Variants in OTUD7A observed in about 807,000 individuals in gnomAD.
OTUD7A encodes the protein OTU deubiquitinase 7A.
Under a neutral mutation model 65.7 loss-of-function variants are expected in OTUD7A, and 12 were observed. That is an observed-to-expected ratio of 0.18 (90% CI 0.12 to 0.30). The LOEUF is 0.30. OTUD7A is among the 10% of genes least tolerant of loss of function. The probability of loss-of-function intolerance (pLI) is 1.00; values close to 1 mark genes in which losing one functional copy is unlikely to be tolerated. For missense variants in OTUD7A, 1,148 were observed against 1,304.8 expected, an observed-to-expected ratio of 0.88 and a Z score of 1.85; for synonymous variants, 641 against 586.3, an observed-to-expected ratio of 1.09 and a Z score of -1.35.
At chr15:31,736,150 CA>C (rs1409345055) in intron 1 of OTUD7A, among the ~76,000 whole-genome samples, 1 of 152,122 alleles carries the variant, frequency 6.6e-6, no homozygotes, top group Non-Finnish European at 1.5e-5. Context: ...ATCTGTACAA[CA>C]AACCCCCACA....
chr15:31,864,195 C>G lies in OTUD7A; in HGVS notation c.-100+6312G>C, dbSNP rs1897817752. Among the ~76,000 whole-genome samples the G allele has an allele frequency of 2.0e-5, 3 of 152,210 alleles. No homozygotes were observed. The South Asian group carries it at 6.2e-4, about 32-fold the overall frequency. On this transcript the variant is annotated intron_variant, in intron 1 of 12. Transcript: ENST00000307050. ...CAACAAGTCTCTAGGAGATTCCAAACTTTCCCACATTTTCCTGTCTTATTC... is the reference window on the plus strand; with the variant it reads ...CAACAAGTCTCTAGGAGATTCCAAAGTTTCCCACATTTTCCTGTCTTATTC...
At chr15:31,503,505 G>A (rs1186349101) in intron 9 of OTUD7A, among the ~76,000 whole-genome samples, 186 bp downstream of exon 9, 1 of 152,128 alleles carries the variant, frequency 6.6e-6, no homozygotes, top group African/African-American at 2.4e-5. Context: ...TGATAGGCAG[G>A]GCAGCTAGTC....
intron 10 of OTUD7A, among the ~76,000 whole-genome samples, chr15:31,499,403 T>C (rs2041431406): frequency 6.6e-6 from 1 of 152,182 alleles, no homozygotes; most frequent in African/African-American, 2.4e-5. Context: ...TCCCATCTCC[T>C]GCCTCCCACC....
chr15:31,786,390 T>C (rs986776320), intron 1 of OTUD7A, among the ~76,000 whole-genome samples: 2 of 152,248 alleles, frequency 1.3e-5, no homozygotes, highest in Non-Finnish European at 2.9e-5. Context: ...AATTTGCCTA[T>C]GCACTTAAGG....
chr15:31,863,755 G>A (rs2141019802), intron 1 of OTUD7A, among the ~76,000 whole-genome samples: 1 of 152,268 alleles, frequency 6.6e-6, no homozygotes, highest in South Asian at 2.1e-4. Flanking sequence ...TTTTCCCCAT[G>A]GTCTTAGTGT....
At chr15:31,597,643 C>G (rs1004896672) in intron 3 of OTUD7A, among the ~76,000 whole-genome samples, 2 of 152,296 alleles carry the variant, frequency 1.3e-5, no homozygotes, top group Admixed American at 1.3e-4. Context: ...AGCTGGAAGT[C>G]AGGGCCTGCA....
chr15:31,506,646 G>T (rs922025095), intron 8 of OTUD7A, among the ~76,000 whole-genome samples: 2 of 152,100 alleles, frequency 1.3e-5, no homozygotes, highest in Non-Finnish European at 2.9e-5. Context: ...CCATATATTT[G>T]CTTGGGGATG....
chr15:31,566,312 A>C (rs975468918), intron 4 of OTUD7A, among the ~76,000 whole-genome samples: 17 of 152,238 alleles, frequency 1.1e-4, no homozygotes, highest in Admixed American at 3.3e-4. Flanking sequence ...GTGTATGGGA[A>C]AATATTCTGA....
intron 1 of OTUD7A, chr15:31,766,960 C>A: frequency 6.2e-7 from 1 of 1,611,882 alleles, no homozygotes; most frequent in Non-Finnish European, 8.5e-7. Context: ...ATCACGCATA[C>A]TACTTAACCC....
intron 3 of OTUD7A, among the ~76,000 whole-genome samples, chr15:31,573,954 T>C (rs970315093): frequency 6.6e-6 from 1 of 152,106 alleles, no homozygotes; most frequent in African/African-American, 2.4e-5. Context: ...CAAATATGTA[T>C]ATGTAAGCAT....
rs1313711156 is a variant in OTUD7A, at chr15:31,603,338, T to C, written c.152-33141A>G. On this transcript the variant is annotated intron_variant, in intron 3 of 12. Coordinates refer to ENST00000307050, the MANE Select transcript of OTUD7A (RefSeq NM_001382637.1). ...TGACAAACCAGACATAAACAAGCAA[T>C]GGGGAAAGGATTCCCTATTTAATAA... Among the ~76,000 whole-genome samples, 3 of 152,276 alleles carry C rather than the reference T, an allele frequency of 2.0e-5. No individual in the cohort carries two copies. In the East Asian group the frequency reaches 5.8e-4, roughly 29 times the overall value.
chr15:31,593,327 GC>G, intron 3 of OTUD7A, among the ~76,000 whole-genome samples: 2 of 152,016 alleles, frequency 1.3e-5, no homozygotes, highest in Admixed American at 1.3e-4. Context: ...TGAGACACGT[GC>G]CCAGGTGATG....
intron 3 of OTUD7A, among the ~76,000 whole-genome samples, chr15:31,573,968 T>G (rs1889128942): frequency 6.6e-6 from 1 of 152,190 alleles, no homozygotes; most frequent in Non-Finnish European, 1.5e-5. Context: ...TAAGCATATT[T>G]AATAGTAGAA....
At chr15:31,587,569 G>T (rs1376779013) in intron 3 of OTUD7A, among the ~76,000 whole-genome samples, 1 of 151,936 alleles carries the variant, frequency 6.6e-6, no homozygotes, top group East Asian at 1.9e-4. Context: ...TGAACCCAGG[G>T]GGAGAGGTTG....
At chr15:31,524,492 G>C (rs956776661) in intron 8 of OTUD7A, among the ~76,000 whole-genome samples, 3 of 152,052 alleles carry the variant, frequency 2.0e-5, no homozygotes, top group South Asian at 2.1e-4. Flanking sequence ...GGAGGGGAGA[G>C]AGTGCCTAGC....
intron 1 of OTUD7A, among the ~76,000 whole-genome samples, chr15:31,667,045 T>C (rs1186763960): frequency 1.3e-5 from 2 of 152,220 alleles, no homozygotes; most frequent in Non-Finnish European, 2.9e-5. Context: ...TTTTGAGGCC[T>C]ATCATATGGT....
At chr15:31,821,280 C>T (rs375546979) in intron 1 of OTUD7A, among the ~76,000 whole-genome samples, 36 of 143,748 alleles carry the variant, frequency 2.5e-4, no homozygotes, top group Non-Finnish European at 4.1e-4. Context: ...GGACTACAGG[C>T]GTGTGCCACC....
chr15:31,603,411 A>G (rs1376360738), intron 3 of OTUD7A, among the ~76,000 whole-genome samples: 1 of 152,202 alleles, frequency 6.6e-6, no homozygotes, highest in Non-Finnish European at 1.5e-5. Context: ...CTGAAACTGG[A>G]CCCCTTCCTT....
At chr15:31,626,335 A>G (rs1215585756) in intron 3 of OTUD7A, among the ~76,000 whole-genome samples, 1 of 152,218 alleles carries the variant, frequency 6.6e-6, no homozygotes, top group Non-Finnish European at 1.5e-5. Flanking sequence ...GAATGGGTAG[A>G]TGGATAGGTA....
Sources: allele counts gnomAD v4.1 joint callset (sites outside exome capture counted in the v4.1 genomes callset), GRCh38; gene constraint gnomAD v4.1.1; transcripts MANE v1.5; gene names NCBI Gene and HGNC (gene_info 2026-07-23, HGNC 2026-07-21).